Variants in DAB1 observed in about 807,000 individuals in gnomAD.
DAB1 encodes disabled homolog 1.
Under a neutral mutation model 64.6 loss-of-function variants are expected in DAB1, and 15 were observed. The ratio of observed to expected loss-of-function variants is 0.23; its 90% CI spans 0.16 to 0.36. DAB1 has a LOEUF of 0.36. DAB1 is among the 10% of genes least tolerant of loss of function. The pLI, the probability that DAB1 is intolerant of heterozygous loss-of-function variation, is 1.00. For missense variants in DAB1, 596 were observed against 706.7 expected, an observed-to-expected ratio of 0.84 and a Z score of 1.78; for synonymous variants, 235 against 251.9, an observed-to-expected ratio of 0.93 and a Z score of 0.64.
chr1:58,288,649 T>C (rs944694519), intron 4 of DAB1, among the ~76,000 whole-genome samples: 3 of 152,190 alleles, frequency 2.0e-5, no homozygotes, highest in African/African-American at 7.2e-5. Flanking sequence ...TAGTGCCTGG[T>C]ACATAATAAG....
intron 1 of DAB1, among the ~76,000 whole-genome samples, chr1:57,393,554 G>A (rs1682562057): frequency 1.3e-5 from 2 of 152,082 alleles, no homozygotes; most frequent in South Asian, 4.1e-4. Context: ...AAATTAGCTG[G>A]GCATGGTGGC....
intron 1 of DAB1, among the ~76,000 whole-genome samples, chr1:57,304,430 C>T (rs1673962826): frequency 6.6e-6 from 1 of 151,606 alleles, no homozygotes; most frequent in Admixed American, 6.6e-5. Flanking sequence ...CAAACTATAC[C>T]ACTGTTATCT....
chr1:57,685,827 AT>A (rs1646690748), intron 6 of DAB1, among the ~76,000 whole-genome samples: 1 of 152,258 alleles, frequency 6.6e-6, no homozygotes, highest in African/African-American at 2.4e-5. Context: ...GAACCTCAAA[AT>A]TAAGGCAGAA....
At chr1:57,169,507 T>G (rs1325736675) in intron 2 of DAB1, among the ~76,000 whole-genome samples, 1 of 152,224 alleles carries the variant, frequency 6.6e-6, no homozygotes, top group East Asian at 1.9e-4. Flanking sequence ...TTTTTAACCA[T>G]TAACAAGATA....
chr1:57,197,343 C>CAAA lies in DAB1; in HGVS notation c.68-51917_68-51915dup, dbSNP rs772162205. Among the ~76,000 whole-genome samples, 884 of 90,056 alleles carry CAAA rather than the reference C, an allele frequency of 9.8e-3. 8 individuals carry two copies. Among genetic ancestry groups the CAAA allele is most frequent in the African/African-American group, 0.018 (474 of 26,660 alleles). 59.1% of individuals were successfully genotyped at this position (90,056 alleles called of 152,430 possible). A position where few individuals can be genotyped will look rare whatever the true frequency, so the allele number is the denominator to read the frequency against. On this transcript the variant is annotated intron_variant, in intron 2 of 14. Transcript: ENST00000371236. ...TAGGTGACAGAGAGAGACTTCATCT[C>CAAA]AAAAAAAAAAAAAAAGAAAGAAAGT...
intron 2 of DAB1, among the ~76,000 whole-genome samples, chr1:57,288,561 G>A (rs1318345391): frequency 6.6e-6 from 1 of 152,152 alleles, no homozygotes; most frequent in Non-Finnish European, 1.5e-5. Context: ...TATGAGCCAG[G>A]AAGAGAGCCC....
chr1:57,702,775 A>G (rs1277937689), intron 6 of DAB1, among the ~76,000 whole-genome samples: 1 of 152,158 alleles, frequency 6.6e-6, no homozygotes, highest in East Asian at 1.9e-4. Flanking sequence ...GCATCATGCT[A>G]CCAGACTTCA....
At chr1:58,534,226 C>G (rs747270535) in intron 1 of DAB1, 2 of 871,834 alleles carry the variant, frequency 2.3e-6, no homozygotes, top group South Asian at 2.6e-5. Context: ...TGAGAGATCC[C>G]TGGAACATCT....
chr1:58,408,398 A>G (rs1008255450), intron 3 of DAB1, among the ~76,000 whole-genome samples: 12 of 152,272 alleles, frequency 7.9e-5, no homozygotes, highest in African/African-American at 2.6e-4. Flanking sequence ...CTTTGTAACA[A>G]GTGTTATTTC....
chr1:57,033,606 A>AT, intron 9 of DAB1: 2 of 1,583,036 alleles, frequency 1.3e-6, no homozygotes, highest in Non-Finnish European at 1.7e-6. Flanking sequence ...ATGAGGATGA[A>AT]GTGAATGACA....
At chr1:58,391,983 T>C (rs1644479855) in intron 3 of DAB1, among the ~76,000 whole-genome samples, 1 of 152,188 alleles carries the variant, frequency 6.6e-6, no homozygotes, top group Non-Finnish European at 1.5e-5. Context: ...AATACCAGAA[T>C]GAGTGGGCAC....
chr1:57,469,625 T>C (rs1317957671), intron 7 of DAB1, among the ~76,000 whole-genome samples: 1 of 152,176 alleles, frequency 6.6e-6, no homozygotes, highest in African/African-American at 2.4e-5. Flanking sequence ...TTGGTTTCCC[T>C]TAACTCTGCC....
chr1:57,857,658 G>A (rs1653812944), intron 1 of DAB1, among the ~76,000 whole-genome samples: 1 of 152,096 alleles, frequency 6.6e-6, no homozygotes, highest in African/African-American at 2.4e-5. Flanking sequence ...ATATAAGATG[G>A]ACGTAGGCAG....
At chr1:58,127,665 G>C (rs1653211152) in intron 5 of DAB1, among the ~76,000 whole-genome samples, 1 of 152,292 alleles carries the variant, frequency 6.6e-6, no homozygotes, top group Admixed American at 6.5e-5. Flanking sequence ...TCCAGTTTCA[G>C]CTTTCTACAT....
At position 57,482,077 on chromosome 1, in the gene DAB1, T is replaced by C. The variant is rs1644027985; in HGVS notation, n.625+167515A>G. 2.0e-5 allele frequency among the ~76,000 whole-genome samples: 3 copies of C among 152,014 alleles called. No homozygotes were observed. In the South Asian group the frequency reaches 6.2e-4, roughly 31 times the overall value. ...AAATATTAATATAAATATCTATGCA[T>C]GAGGGGGAAATAATTGGGAAATTTT... On this transcript the variant is annotated intron_variant and non_coding_transcript_variant, in intron 7 of 20. Coordinates refer to the DAB1 transcript ENST00000485760.
intron 7 of DAB1, among the ~76,000 whole-genome samples, chr1:57,434,446 A>G (rs146050650): frequency 2.4e-3 from 371 of 152,374 alleles, no homozygotes; most frequent in African/African-American, 7.5e-3. Flanking sequence ...AAATAAATCT[A>G]CAAGTGAAAG....
intron 4 of DAB1, among the ~76,000 whole-genome samples, chr1:58,300,564 G>T (rs187823031): frequency 0.021 from 257 of 12,432 alleles, 4 homozygotes; most frequent in Admixed American, 0.061. Context: ...AAGAAAGAAA[G>T]AAAGAAAGAA....
At chr1:57,983,053 T>G (rs529910225) in intron 5 of DAB1, among the ~76,000 whole-genome samples, 1 of 152,320 alleles carries the variant, frequency 6.6e-6, no homozygotes, top group East Asian at 1.9e-4. Flanking sequence ...TTCCTGCTCT[T>G]ACAGTGTACG....
chr1:57,734,243 G>C (rs1042624859), intron 6 of DAB1, among the ~76,000 whole-genome samples: 1 of 152,150 alleles, frequency 6.6e-6, no homozygotes, highest in Admixed American at 6.5e-5. Flanking sequence ...TATTCAAATG[G>C]GGGCACACTT....
Sources: allele counts gnomAD v4.1 joint callset (sites outside exome capture counted in the v4.1 genomes callset), GRCh38; gene constraint gnomAD v4.1.1; transcripts MANE v1.5; gene names NCBI Gene and HGNC (gene_info 2026-07-23, HGNC 2026-07-21).